The following IL4I1 variants were observed in gnomAD, a reference collection of about 807,000 sequenced individuals.
IL4I1 encodes interleukin 4 induced 1.
A neutral mutation model predicts 29.7 loss-of-function variants in IL4I1; 24 were observed. The ratio of observed to expected loss-of-function variants is 0.81; its 90% CI spans 0.59 to 1.14. The LOEUF (loss-of-function observed/expected upper bound fraction) is 1.14, where lower values mean the gene tolerates loss of function less well. Ranked by LOEUF, IL4I1 falls within the 50% of genes most tolerant of loss-of-function variation. IL4I1 has a pLI of 0.00. For synonymous variants in IL4I1, 371 were observed against 352.5 expected (o/e 1.05, Z -0.59); for missense variants, 686 against 785.6 (o/e 0.87, Z 1.52).
intron 2 of IL4I1, among the ~76,000 whole-genome samples, chr19:49,917,235 G>A (rs1182885650): frequency 6.6e-6 from 1 of 152,228 alleles, no homozygotes; most frequent in African/African-American, 2.4e-5. Flanking sequence ...CTGAGGCTCA[G>A]ACGCCGTCCT....
intron 1 of IL4I1, 77 bp from the exon 2 acceptor site, chr19:49,896,259 T>C (rs1041389316): frequency 6.9e-7 from 1 of 1,445,722 alleles, no homozygotes; most frequent in Non-Finnish European, 9.1e-7. Context: ...TCCCATGGGC[T>C]GCCCAGCTGC....
intron 5 of IL4I1, among the ~76,000 whole-genome samples, chr19:49,892,151 A>G (rs1322058782): frequency 7.2e-6 from 1 of 139,404 alleles, no homozygotes; most frequent in African/African-American, 2.7e-5. Context: ...GCGCCATCTC[A>G]GCTCACTGAA....
chr19:49,901,241 G>A (rs940640395), upstream of IL4I1, among the ~76,000 whole-genome samples: 6 of 152,110 alleles, frequency 3.9e-5, no homozygotes, highest in Admixed American at 1.3e-4. Flanking sequence ...AAAATTAGCC[G>A]GGCGTGGTGG....
chr19:49,907,672 G>C (rs944503832), intron 2 of IL4I1: 2 of 364,206 alleles, frequency 5.5e-6, no homozygotes, highest in Non-Finnish European at 1.0e-5. Context: ...AGCTGAGATT[G>C]AGATCACAGG....
intron 2 of IL4I1, chr19:49,908,399 G>C: frequency 2.5e-6 from 4 of 1,614,200 alleles, no homozygotes; most frequent in Non-Finnish European, 3.4e-6. Flanking sequence ...CTGCTGCAGT[G>C]GGTCACTGGT....
chr19:49,912,325 C>T (rs188806374), intron 2 of IL4I1, among the ~76,000 whole-genome samples: 31 of 152,214 alleles, frequency 2.0e-4, no homozygotes, highest in African/African-American at 6.5e-4. Context: ...CATGCCACCA[C>T]GCCCGGCTAA....
chr19:49,900,022 C>T (rs565836152), upstream of IL4I1, among the ~76,000 whole-genome samples: 54 of 152,124 alleles, frequency 3.5e-4, no homozygotes, highest in African/African-American at 1.3e-3. Flanking sequence ...TTTTTCATAG[C>T]GACGGGGCCT....
chr19:49,892,038 T>C (rs1333322653), intron 5 of IL4I1, among the ~76,000 whole-genome samples: 1 of 148,328 alleles, frequency 6.7e-6, no homozygotes, highest in African/African-American at 2.5e-5. Context: ...TTCTTGCCCC[T>C]CAGCCTCATG....
At chr19:49,916,354 A>AT (rs1182733064) in intron 2 of IL4I1, among the ~76,000 whole-genome samples, 8,329 of 131,952 alleles carry the variant, frequency 0.063, 517 homozygotes, top group African/African-American at 0.16. Context: ...TATCTTTTGT[A>AT]TTTTTTTTTT....
At position 49,890,584 on chromosome 19, in the gene IL4I1, C is replaced by G; in HGVS notation, c.790G>C (p.Gly264Arg). 2 of 1,571,770 alleles carry G rather than the reference C, an allele frequency of 1.3e-6. No homozygotes were observed. The highest frequency in any genetic ancestry group is 3.5e-4 in the Middle Eastern group (2 of 5,680). Residue 264 changes from glycine (G) to arginine (R), a missense_variant, in exon 8 of 8, where the codon GGT becomes CGT. By Grantham distance (125) the Gly-to-Arg change is moderately radical. Transcript: ENST00000391826. ...SDRLQYSRIV[G>R]GWDLLPRALL... Reference sequence around the variant, plus strand: ...GCGCGCGGCAGCAGGTCCCAGCCACCCACGATGCGGCTGTACCTGCAGGCG... The same window carrying G: ...GCGCGCGGCAGCAGGTCCCAGCCACGCACGATGCGGCTGTACCTGCAGGCG...
chr19:49,890,981 C>A lies in IL4I1; in HGVS notation c.763G>T (p.Asp255Tyr). ...AGCCCCGCCCCTTACTGGAGTCTGTCGCTGAGGCAGCTGTGGGCCCGGAGG... is the reference window on the plus strand; with the variant it reads ...AGCCCCGCCCCTTACTGGAGTCTGTAGCTGAGGCAGCTGTGGGCCCGGAGG... ...EALRAHSCLS[D>Y]RLQYSRIVGG... The change falls in exon 7 of 8, where the codon GAC becomes TAC. Residue 255 changes from aspartate to tyrosine, a missense_variant. By Grantham distance (160) the Asp-to-Tyr change is radical. Transcript: ENST00000391826. 5 of 1,288,044 alleles carry A rather than the reference C, an allele frequency of 3.9e-6. No individual in the cohort carries two copies. The highest frequency in any genetic ancestry group is 4.1e-6 in the Non-Finnish European group (4 of 967,156). The allele number at this position is 1,288,044 out of a possible 1,614,324, so 79.8% of individuals were successfully genotyped here.
upstream of IL4I1, among the ~76,000 whole-genome samples, chr19:49,899,959 C>T (rs1015803275): frequency 1.3e-5 from 2 of 151,942 alleles, no homozygotes; most frequent in African/African-American, 2.4e-5. Flanking sequence ...CTCAGTCTCT[C>T]GAGTAGCTGG....
intron 2 of IL4I1, 37 bp downstream of exon 2, chr19:49,896,111 A>C (rs1436043094): frequency 1.9e-6 from 3 of 1,562,052 alleles, no homozygotes; most frequent in Non-Finnish European, 2.6e-6. Context: ...GAGGGGTTCT[A>C]CTCACTTGTT....
intron 2 of IL4I1, chr19:49,907,452 C>T: frequency 2.3e-6 from 1 of 429,604 alleles, no homozygotes; most frequent in South Asian, 1.7e-5. Flanking sequence ...TCACACTGTG[C>T]TGCTTTGCCT....
At chr19:49,909,104 G>A in intron 2 of IL4I1, 1 of 1,612,476 alleles carries the variant, frequency 6.2e-7, no homozygotes, top group Non-Finnish European at 8.5e-7. Context: ...GGAGAGTCCA[G>A]TGGTGGCAGA....
chr19:49,893,232 T>C (rs2075161540), intron 5 of IL4I1, among the ~76,000 whole-genome samples: 1 of 151,924 alleles, frequency 6.6e-6, no homozygotes, highest in South Asian at 2.1e-4. Flanking sequence ...TGGGAAGACG[T>C]TTCTGGTACC....
chr19:49,914,449 G>A (rs2075565897), intron 2 of IL4I1, among the ~76,000 whole-genome samples: 1 of 152,166 alleles, frequency 6.6e-6, no homozygotes, highest in Non-Finnish European at 1.5e-5. Flanking sequence ...GCTGCCTTGA[G>A]GTCACCAAGG....
At chr19:49,894,593 G>T in intron 4 of IL4I1, 124 bp from the exon 5 acceptor site, 1 of 682,472 alleles carries the variant, frequency 1.5e-6, no homozygotes, top group Non-Finnish European at 2.5e-6. Context: ...CTGGGGGTGG[G>T]GCTAGATTTG....
intron 2 of IL4I1, among the ~76,000 whole-genome samples, chr19:49,912,192 G>A (rs1341174999): frequency 7.6e-6 from 1 of 132,236 alleles, no homozygotes; most frequent in Non-Finnish European, 1.6e-5. Flanking sequence ...TTTTTGAGAC[G>A]GGAGTCTCGC....
Sources: gnomAD v4.1 joint callset for allele counts (sites outside exome capture counted in the v4.1 genomes callset) on GRCh38, gnomAD v4.1.1 for gene constraint, MANE v1.5 for transcripts, NCBI Gene and HGNC (gene_info 2026-07-23, HGNC 2026-07-21) for gene names.